The following GOLGA8A variants were observed in gnomAD, a reference collection of about 807,000 sequenced individuals.
GOLGA8A encodes golgin subfamily A member 8A.
In GOLGA8A, 3 loss-of-function variants were observed where a neutral mutation model predicts 22.1. The ratio of observed to expected loss-of-function variants is 0.14; its 90% CI spans 0.06 to 0.35. The LOEUF is 0.35. Ranked by LOEUF, GOLGA8A falls within the 10% of genes least tolerant of loss-of-function variation. The pLI, the probability that GOLGA8A is intolerant of heterozygous loss-of-function variation, is 1.00. For synonymous variants in GOLGA8A, 7 were observed against 91.7 expected, an observed-to-expected ratio of 0.08 and a Z score of 5.28; for missense variants, 16 against 233.2, an observed-to-expected ratio of 0.07 and a Z score of 6.07.
At chr15:34,408,300 CACT>C (rs1405792918) in intron 2 of GOLGA8A, among the ~76,000 whole-genome samples, 182 of 15,548 alleles carry the variant, frequency 0.012, no homozygotes, top group African/African-American at 0.04. Context: ...AAGCCTTCCA[CACT>C]ACATTACACT....
chr15:34,437,035 C>G lies in GOLGA8A; in HGVS notation c.-1212+363G>C, dbSNP rs1156956039. ...CAGCGGAACGCACCAGCGGCCCGAC[C>G]AGCCCGGCGAGACGCGAGCGGGCGG... On this transcript the variant is annotated intron_variant, in intron 1 of 24. Transcript: ENST00000359187. Among the ~76,000 whole-genome samples, 19 of 149,014 alleles carry G rather than the reference C, an allele frequency of 1.3e-4. No individual in the cohort carries two copies. The East Asian group carries it at 3.8e-3, about 30-fold the overall frequency.
At chr15:34,426,816 G>A (rs1893003522) in intron 2 of GOLGA8A, among the ~76,000 whole-genome samples, 1 of 143,538 alleles carries the variant, frequency 7.0e-6, no homozygotes, top group Admixed American at 7.3e-5. Flanking sequence ...GACCGAGGCA[G>A]GAGGATTGCC....
chr15:34,434,399 G>A (rs117403209), intron 2 of GOLGA8A, among the ~76,000 whole-genome samples: 14,087 of 149,206 alleles, frequency 0.094, 1,772 homozygotes, highest in South Asian at 0.25. Context: ...CCAGTACGCA[G>A]GGTTCCACAT....
chr15:34,434,857 T>C (rs1258836271), intron 2 of GOLGA8A, among the ~76,000 whole-genome samples: 1 of 149,416 alleles, frequency 6.7e-6, no homozygotes, highest in Non-Finnish European at 1.5e-5. Flanking sequence ...GAACTGAGAC[T>C]GCGTTGAGGA....
At chr15:34,437,122 C>T (rs1383047364) in intron 1 of GOLGA8A, among the ~76,000 whole-genome samples, 1 of 147,158 alleles carries the variant, frequency 6.8e-6, no homozygotes, top group East Asian at 2.1e-4. Context: ...TGAGCCCCTC[C>T]CGGGATGCGA....
chr15:34,409,635 GGAAGCGTCTACCATGGCCCACCA>G (rs1464567555), intron 2 of GOLGA8A: 61 of 585,382 alleles, frequency 1.0e-4, no homozygotes, highest in South Asian at 6.7e-4. Flanking sequence ...ATGGCCCACC[GGAAGCGTCTACCATGGCCCACCA>G]GAAGCGTCAG....
chr15:34,417,318 C>T (rs1753497941), intron 2 of GOLGA8A: 1 of 100,180 alleles, frequency 1.0e-5, no homozygotes, highest in Non-Finnish European at 2.2e-5. Flanking sequence ...ATTCTCTTCT[C>T]TTGGTAACCC....
chr15:34,435,717 C>T (rs115056228), intron 1 of GOLGA8A, among the ~76,000 whole-genome samples: 13,996 of 148,566 alleles, frequency 0.094, 1,735 homozygotes, highest in South Asian at 0.25. Flanking sequence ...GGGAGGAGCA[C>T]AGACCACACT....
intron 2 of GOLGA8A, among the ~76,000 whole-genome samples, chr15:34,430,364 A>G (rs1595668769): frequency 6.7e-6 from 1 of 149,314 alleles, no homozygotes; most frequent in Non-Finnish European, 1.5e-5. Context: ...GAAAGTTCAC[A>G]GGCAGAATCT....
rs1892559899 is a variant in GOLGA8A, at chr15:34,416,044, CAAGCTGTCAGATGT to C, written c.-1122-8323_-1122-8310del. The C allele has an allele frequency of 3.4e-5, 5 of 147,668 alleles. No homozygotes were observed. The South Asian group carries it at 1.1e-3, about 33-fold the overall frequency. 9.1% of individuals were successfully genotyped at this position (147,668 alleles called of 1,614,324 possible). On this transcript the variant is annotated intron_variant, in intron 2 of 24. Coordinates refer to ENST00000359187, the MANE Select transcript of GOLGA8A (RefSeq NM_181077.5). The stretch of plus-strand genomic sequence containing the variant: ...TTTGGCTTCCAGAAGCACAAAAGTG[CAAGCTGTCAGATGT>C]TCTTAAGGCTTAGACCTAGAACAGG...
chr15:34,434,596 G>T (rs556500963), intron 2 of GOLGA8A, among the ~76,000 whole-genome samples: 3 of 148,752 alleles, frequency 2.0e-5, no homozygotes, highest in Non-Finnish European at 4.5e-5. Context: ...GCGGTGGGCA[G>T]CAGGGGGGTG....
intron 2 of GOLGA8A, chr15:34,418,346 T>C (rs1184248422): frequency 7.1e-6 from 1 of 140,690 alleles, no homozygotes; most frequent in Non-Finnish European, 1.5e-5. Context: ...TTTCAGGCTC[T>C]GAAGCTTTCC....
At chr15:34,405,631 C>T (rs1892197877) in intron 4 of GOLGA8A, among the ~76,000 whole-genome samples, 1 of 141,136 alleles carries the variant, frequency 7.1e-6, no homozygotes, top group Non-Finnish European at 1.6e-5. Flanking sequence ...TTAAAGGATG[C>T]TTCTGTGTTC....
At position 34,379,933 on chromosome 15, in the gene GOLGA8A, AAAG is replaced by A. The variant is rs1250274110; in HGVS notation, c.*1475_*1477del. Reference sequence around the variant, plus strand: ...TACAAAAACGTATTTCACTCTTCGTAAAGAAGTTTGTGAGGAAATACAACTCTG... The same window carrying A: ...TACAAAAACGTATTTCACTCTTCGTAAAGTTTGTGAGGAAATACAACTCTG... On this transcript the variant is annotated 3_prime_UTR_variant, in exon 25 of 25. Transcript: ENST00000359187. The A allele has an allele frequency of 1.3e-5, 2 of 152,696 alleles. No homozygotes were observed. The highest frequency in any genetic ancestry group is 2.9e-5 in the Non-Finnish European group (2 of 68,056). 9.5% of individuals were successfully genotyped at this position (152,696 alleles called of 1,614,324 possible). A position where few individuals can be genotyped will look rare whatever the true frequency, so the allele number is the denominator to read the frequency against.
intron 1 of GOLGA8A, among the ~76,000 whole-genome samples, chr15:34,437,123 C>A (rs1595675839): frequency 6.8e-6 from 1 of 147,656 alleles, no homozygotes. Flanking sequence ...GAGCCCCTCC[C>A]GGGATGCGAA....
intron 2 of GOLGA8A, chr15:34,416,825 TAAAA>T (rs539407779): frequency 4.4e-4 from 32 of 72,466 alleles, no homozygotes; most frequent in Non-Finnish European, 6.5e-4. Flanking sequence ...AATAAATAAA[TAAAA>T]AAGAAGTTTG....
chr15:34,423,589 C>T (rs1193901254), intron 2 of GOLGA8A, among the ~76,000 whole-genome samples: 4 of 148,990 alleles, frequency 2.7e-5, no homozygotes, highest in African/African-American at 9.9e-5. Flanking sequence ...GCAGCTCCTG[C>T]AGGGCGGACA....
In GOLGA8A at chr15:34,420,540, A is replaced by G. The variant is rs1473786680; in HGVS notation, c.-1122-12805T>C. Among the ~76,000 whole-genome samples the G allele has an allele frequency of 1.4e-5, 2 of 140,942 alleles. 1 individual carries two copies. The highest frequency in any genetic ancestry group is 4.9e-4 in the South Asian group (2 of 4,048). The allele number at this position is 140,942 out of a possible 152,430, so 92.5% of individuals were successfully genotyped here. ...TCACTGCAGTGAGGATGGAGGTGTC[A>G]CTGCAAATGCGTAAGAGGATATTTT... On this transcript the variant is annotated intron_variant, in intron 2 of 24. Transcript: ENST00000359187.
intron 2 of GOLGA8A, among the ~76,000 whole-genome samples, chr15:34,429,341 C>T (rs1259715533): frequency 6.9e-6 from 1 of 145,902 alleles, no homozygotes; most frequent in Admixed American, 7.0e-5. Context: ...AACTGCCCCC[C>T]AACCCCCATC....
Sources: gnomAD v4.1 joint callset for allele counts (sites outside exome capture counted in the v4.1 genomes callset) on GRCh38, gnomAD v4.1.1 for gene constraint, MANE v1.5 for transcripts, NCBI Gene and HGNC (gene_info 2026-07-23, HGNC 2026-07-21) for gene names.